The following ANKFN1 variants were observed in gnomAD, a reference collection of about 807,000 sequenced individuals.
ANKFN1 encodes the protein ankyrin repeat and fibronectin type-III domain-containing protein 1.
A neutral mutation model predicts 108.7 loss-of-function variants in ANKFN1; 74 were observed. The observed-to-expected ratio is 0.68, with a 90% CI of 0.56 to 0.83. The LOEUF is 0.83. Among genes scored for constraint, ANKFN1 ranks in the 40% least tolerant of loss-of-function variants. The pLI, the probability that ANKFN1 is intolerant of heterozygous loss-of-function variation, is 0.00. For synonymous variants in ANKFN1, 547 were observed against 516.2 expected, an observed-to-expected ratio of 1.06 and a Z score of -0.81; for missense variants, 1,505 against 1,382.3, an observed-to-expected ratio of 1.09 and a Z score of -1.41.
intron 4 of ANKFN1, among the ~76,000 whole-genome samples, chr17:56,049,598 G>A (rs1371726963): frequency 2.0e-5 from 3 of 151,242 alleles, no homozygotes; most frequent in Non-Finnish European, 4.4e-5. Context: ...GTGTCCATGT[G>A]TTCTCATAGT....
At chr17:56,058,540 G>A (rs1583170) in intron 4 of ANKFN1, among the ~76,000 whole-genome samples, 118,236 of 152,002 alleles carry the variant, frequency 0.78, 46,177 homozygotes, top group Non-Finnish European at 0.81. Flanking sequence ...CTTGTGCCAT[G>A]GTGGTTCACT....
intron 11 of ANKFN1, among the ~76,000 whole-genome samples, chr17:56,450,505 A>C (rs1428865924): frequency 6.6e-6 from 1 of 152,190 alleles, no homozygotes; most frequent in Non-Finnish European, 1.5e-5. Context: ...GTAGCTCTGA[A>C]ACCCAAGTGG....
chr17:56,047,986 C>T (rs1345108295), intron 4 of ANKFN1, among the ~76,000 whole-genome samples: 2 of 152,224 alleles, frequency 1.3e-5, no homozygotes, highest in East Asian at 1.9e-4. Flanking sequence ...CTCCTAATCT[C>T]ACCCCTTTAG....
At chr17:56,073,750 G>T (rs1209578010) in intron 4 of ANKFN1, among the ~76,000 whole-genome samples, 2 of 152,144 alleles carry the variant, frequency 1.3e-5, no homozygotes, top group Non-Finnish European at 2.9e-5. Flanking sequence ...TATTTTATGT[G>T]AACAGAATCA....
At chr17:56,333,420 A>G (rs1040936015) in intron 4 of ANKFN1, among the ~76,000 whole-genome samples, 15 of 152,272 alleles carry the variant, frequency 9.9e-5, no homozygotes, top group East Asian at 1.9e-4. Context: ...AGAGATAATC[A>G]TATAGTTTTT....
intron 3 of ANKFN1, among the ~76,000 whole-genome samples, chr17:56,300,212 A>C (rs1188668301): frequency 6.6e-6 from 1 of 152,142 alleles, no homozygotes; most frequent in African/African-American, 2.4e-5. Context: ...TGCTTAGGGT[A>C]ATTTGAAGAA....
intron 8 of ANKFN1, among the ~76,000 whole-genome samples, chr17:56,399,790 A>G (rs1417504186): frequency 2.7e-5 from 4 of 150,644 alleles, no homozygotes; most frequent in Non-Finnish European, 1.5e-5. Context: ...CATCCAGGTC[A>G]CTGCAAATGC....
At chr17:56,433,672 C>T (rs1253430600) in intron 8 of ANKFN1, among the ~76,000 whole-genome samples, 2 of 151,922 alleles carry the variant, frequency 1.3e-5, no homozygotes, top group Admixed American at 1.3e-4. Flanking sequence ...CTTTGAGACT[C>T]AAGGGGAAAG....
intron 9 of ANKFN1, 102 bp downstream of exon 9, chr17:56,440,526 C>T: frequency 1.2e-6 from 1 of 854,828 alleles, no homozygotes; most frequent in Non-Finnish European, 1.9e-6. Context: ...ACGCCCAGTC[C>T]TCTGGCAACA....
chr17:56,503,318 A>G (rs1054545101), intron 20 of ANKFN1, among the ~76,000 whole-genome samples: 1 of 151,948 alleles, frequency 6.6e-6, no homozygotes, highest in Non-Finnish European at 1.5e-5. Flanking sequence ...CAGCTCAAAA[A>G]AATCAACAAG....
chr17:56,308,827 A>T (rs1354732405), intron 3 of ANKFN1, among the ~76,000 whole-genome samples: 1 of 152,188 alleles, frequency 6.6e-6, no homozygotes, highest in Non-Finnish European at 1.5e-5. Flanking sequence ...TGATATGATT[A>T]TGTGAGTTTG....
At chr17:56,401,640 G>A (rs898712900) in intron 8 of ANKFN1, among the ~76,000 whole-genome samples, 1 of 151,956 alleles carries the variant, frequency 6.6e-6, no homozygotes, top group African/African-American at 2.4e-5. Flanking sequence ...ACAGTGACAG[G>A]TTGACTTCCT....
At chr17:56,087,227 T>C (rs1293196303) in intron 4 of ANKFN1, among the ~76,000 whole-genome samples, 2 of 151,308 alleles carry the variant, frequency 1.3e-5, no homozygotes, top group Non-Finnish European at 3.0e-5. Context: ...AACAAGGCAA[T>C]GGCTAAGCCT....
intron 4 of ANKFN1, among the ~76,000 whole-genome samples, chr17:56,061,073 T>C (rs905629995): frequency 5.9e-5 from 9 of 152,122 alleles, no homozygotes; most frequent in African/African-American, 2.2e-4. Flanking sequence ...TGGGCTTTTT[T>C]TGGTTGGTAG....
chr17:56,466,201 A>G (rs1440424745), intron 14 of ANKFN1, among the ~76,000 whole-genome samples, 155 bp from the exon 15 acceptor site: 1 of 151,834 alleles, frequency 6.6e-6, no homozygotes, highest in South Asian at 2.1e-4. Flanking sequence ...GTACATGTCT[A>G]TGATGCCATA....
At chr17:56,105,164 A>G (rs1201500486) in intron 4 of ANKFN1, among the ~76,000 whole-genome samples, 2 of 152,188 alleles carry the variant, frequency 1.3e-5, no homozygotes, top group Non-Finnish European at 2.9e-5. Flanking sequence ...TTTAAAAAGA[A>G]CTAGGCTTTT....
At chr17:56,070,287 G>C (rs1359098918) in intron 4 of ANKFN1, among the ~76,000 whole-genome samples, 1 of 152,192 alleles carries the variant, frequency 6.6e-6, no homozygotes, top group Non-Finnish European at 1.5e-5. Context: ...GGCTCTAGAG[G>C]AGAATTGTTC....
intron 4 of ANKFN1, among the ~76,000 whole-genome samples, chr17:56,121,723 C>G (rs1906632299): frequency 6.6e-6 from 1 of 152,040 alleles, no homozygotes; most frequent in African/African-American, 2.4e-5. Flanking sequence ...TAGAGTTAGT[C>G]CATGTGACCC....
chr17:56,376,779 A>G (rs1180407420), intron 8 of ANKFN1, among the ~76,000 whole-genome samples: 1 of 152,184 alleles, frequency 6.6e-6, no homozygotes, highest in Non-Finnish European at 1.5e-5. Context: ...GAGGGGATTA[A>G]TTAAGCATTA....
Sources: gnomAD v4.1 joint callset for allele counts (sites outside exome capture counted in the v4.1 genomes callset) on GRCh38, gnomAD v4.1.1 for gene constraint, MANE v1.5 for transcripts, NCBI Gene and HGNC (gene_info 2026-07-23, HGNC 2026-07-21) for gene names.